CNTNAP2: variants seen among roughly 807,000 people sequenced by gnomAD.
The protein encoded by CNTNAP2 is contactin associated protein 2, also known as contactin-associated protein-like 2.
Under a neutral mutation model 155.2 loss-of-function variants are expected in CNTNAP2, and 98 were observed. The observed-to-expected ratio is 0.63, with a 90% CI of 0.54 to 0.75. The LOEUF (loss-of-function observed/expected upper bound fraction) is 0.75, where lower values mean the gene tolerates loss of function less well. Ranked by LOEUF, CNTNAP2 falls within the 30% of genes least tolerant of loss-of-function variation. The pLI is 0.00. For synonymous variants in CNTNAP2, 651 were observed against 631.2 expected (o/e 1.03, Z -0.47); for missense variants, 1,727 against 1,688.1 (o/e 1.02, Z -0.40).
chr7:148,219,028 C>T (rs1258993881), intron 19 of CNTNAP2, among the ~76,000 whole-genome samples: 3 of 149,542 alleles, frequency 2.0e-5, no homozygotes, highest in South Asian at 2.1e-4. Context: ...CTGCAACCTC[C>T]GCCCCTCGAG....
At chr7:147,703,851 C>T (rs1004782488) in intron 13 of CNTNAP2, among the ~76,000 whole-genome samples, 1 of 152,122 alleles carries the variant, frequency 6.6e-6, no homozygotes, top group Non-Finnish European at 1.5e-5. Flanking sequence ...CTCTTCGTCT[C>T]GCTCCCCCAT....
rs979058538 is a variant in CNTNAP2, at chr7:146,312,813, G to A, written c.97+195840G>A. 3.9e-5 allele frequency among the ~76,000 whole-genome samples: 6 copies of A among 152,144 alleles called. No individual in the cohort carries two copies. The East Asian group carries it at 1.2e-3, about 29-fold the overall frequency. ...ATATAAGTGAGATCATACCGTATTT[G>A]TCTTTCTGTGTTTAGCTTATTTCAT... On this transcript the variant is annotated intron_variant, in intron 1 of 23. Transcript: ENST00000361727.
At chr7:146,412,864 A>C (rs866891781) in intron 1 of CNTNAP2, among the ~76,000 whole-genome samples, 1 of 152,150 alleles carries the variant, frequency 6.6e-6, no homozygotes, top group African/African-American at 2.4e-5. Flanking sequence ...CACAGAGTAA[A>C]CCTAAAATCC....
chr7:146,121,151 C>T (rs1484697993), intron 1 of CNTNAP2, among the ~76,000 whole-genome samples: 12 of 77,546 alleles, frequency 1.5e-4, no homozygotes, highest in Non-Finnish European at 1.4e-4. Flanking sequence ...TTTTTTGAGA[C>T]GGAGTCTTGC....
intron 10 of CNTNAP2, among the ~76,000 whole-genome samples, chr7:147,430,980 G>A (rs911241068): frequency 1.2e-4 from 18 of 151,554 alleles, no homozygotes; most frequent in African/African-American, 4.1e-4. Context: ...CCTGAGAGGC[G>A]GAGCTTGCAG....
At chr7:148,247,621 C>CTT (rs1365333273) in intron 20 of CNTNAP2, among the ~76,000 whole-genome samples, 5 of 132,848 alleles carry the variant, frequency 3.8e-5, no homozygotes, top group South Asian at 2.4e-4. Flanking sequence ...CTCTCTCTCT[C>CTT]TCTCTATTTA....
chr7:147,172,274 A>G (rs1802244654), intron 8 of CNTNAP2, among the ~76,000 whole-genome samples: 1 of 152,162 alleles, frequency 6.6e-6, no homozygotes, highest in Non-Finnish European at 1.5e-5. Context: ...ATGAAAGGTT[A>G]CCTAAATCAC....
intron 1 of CNTNAP2, among the ~76,000 whole-genome samples, chr7:146,173,623 G>A (rs1043487993): frequency 6.6e-6 from 1 of 152,064 alleles, no homozygotes; most frequent in Non-Finnish European, 1.5e-5. Flanking sequence ...TATTGCTTCT[G>A]TAATGTTATA....
intron 4 of CNTNAP2, among the ~76,000 whole-genome samples, chr7:147,086,046 A>G (rs2129270935): frequency 6.6e-6 from 1 of 152,328 alleles, no homozygotes; most frequent in East Asian, 1.9e-4. Context: ...ATGTCACCAA[A>G]AGCAGTTTCC....
At chr7:148,055,121 T>A (rs1802982908) in intron 15 of CNTNAP2, among the ~76,000 whole-genome samples, 1 of 152,088 alleles carries the variant, frequency 6.6e-6, no homozygotes, top group Non-Finnish European at 1.5e-5. Flanking sequence ...TGACCTCAGG[T>A]GATCTGCCTG....
chr7:147,793,563 A>T (rs1417953772), intron 13 of CNTNAP2, among the ~76,000 whole-genome samples: 1 of 152,060 alleles, frequency 6.6e-6, no homozygotes, highest in African/African-American at 2.4e-5. Flanking sequence ...CACTGCCTTG[A>T]TTACTATAGC....
chr7:146,977,731 GTATT>G (rs1431204076), intron 3 of CNTNAP2, among the ~76,000 whole-genome samples: 1 of 152,150 alleles, frequency 6.6e-6, no homozygotes, highest in East Asian at 1.9e-4. Flanking sequence ...ATTTATGTAT[GTATT>G]TATTTTGGTG....
At chr7:148,412,056 C>T (rs900311126) in intron 23 of CNTNAP2, among the ~76,000 whole-genome samples, 2 of 152,150 alleles carry the variant, frequency 1.3e-5, no homozygotes, top group Admixed American at 1.3e-4. Context: ...GATTCTCCTG[C>T]CTCAACCTCC....
chr7:147,766,923 A>G lies in CNTNAP2; in HGVS notation c.2098+127617A>G, dbSNP rs1797391119. 2.6e-5 allele frequency among the ~76,000 whole-genome samples: 4 copies of G among 152,038 alleles called. No individual in the cohort carries two copies. The South Asian group carries it at 8.3e-4, about 31-fold the overall frequency. ...TCAGATTACTGAAAATGTGACAAAA[A>G]ATTTCTAAAATAAGCATAGATGTTC... On this transcript the variant is annotated intron_variant, in intron 13 of 23. Coordinates refer to ENST00000361727, the MANE Select transcript of CNTNAP2 (RefSeq NM_014141.6).
intron 5 of CNTNAP2, among the ~76,000 whole-genome samples, chr7:147,109,035 A>G (rs967397156): frequency 6.6e-6 from 1 of 152,234 alleles, no homozygotes; most frequent in Non-Finnish European, 1.5e-5. Flanking sequence ...GCAGGGCATT[A>G]CAAATTGTTT....
At chr7:146,352,420 G>T (rs1234088856) in intron 1 of CNTNAP2, among the ~76,000 whole-genome samples, 1 of 151,912 alleles carries the variant, frequency 6.6e-6, no homozygotes, top group East Asian at 1.9e-4. Context: ...TTTATCATAT[G>T]CCTTTTATTA....
chr7:147,687,912 T>C (rs940237796), intron 13 of CNTNAP2, among the ~76,000 whole-genome samples: 3 of 152,176 alleles, frequency 2.0e-5, no homozygotes, highest in African/African-American at 7.2e-5. Context: ...GCATCTTCCA[T>C]TTTCCATTGA....
chr7:148,383,667 A>G lies in CNTNAP2; in HGVS notation c.3494A>G (p.Gln1165Arg). The G allele has an allele frequency of 2.5e-6, 4 of 1,614,218 alleles. No individual in the cohort carries two copies. The highest frequency in any genetic ancestry group is 2.5e-6 in the Non-Finnish European group (3 of 1,180,050). The change falls in exon 22 of 24, where the codon CAA (glutamine) becomes CGA (arginine). Residue 1165 changes from glutamine (Q) to arginine (R), a missense_variant. Transcript: ENST00000361727. ...GKVIETGKIDQEIHKYNTPGF... is the reference protein window; with the variant it reads ...GKVIETGKIDREIHKYNTPGF... Reference sequence around the variant, plus strand: ...CTTTTAGAAACAGGGAAAATTGACCAAGAGATTCACAAATACAACACCCCA... The same window carrying G: ...CTTTTAGAAACAGGGAAAATTGACCGAGAGATTCACAAATACAACACCCCA...
At chr7:146,888,724 A>G (rs924118840) in intron 3 of CNTNAP2, among the ~76,000 whole-genome samples, 3 of 152,102 alleles carry the variant, frequency 2.0e-5, no homozygotes, top group African/African-American at 7.2e-5. Flanking sequence ...GGAGGACATT[A>G]TGTTCAGTAA....
Sources: allele counts gnomAD v4.1 joint callset (sites outside exome capture counted in the v4.1 genomes callset), GRCh38; gene constraint gnomAD v4.1.1; transcripts MANE v1.5; gene names NCBI Gene and HGNC (gene_info 2026-07-23, HGNC 2026-07-21).